NELL2: variants seen among roughly 807,000 people sequenced by gnomAD.
The protein encoded by NELL2 is neural EGFL like 2.
In NELL2, 41 loss-of-function variants were observed where a neutral mutation model predicts 109.6. The observed-to-expected ratio is 0.37, with a 90% CI of 0.29 to 0.49. NELL2 has a LOEUF of 0.49. Ranked by LOEUF, NELL2 falls within the 20% of genes least tolerant of loss-of-function variation. The pLI, the probability that NELL2 is intolerant of heterozygous loss-of-function variation, is 0.98. For synonymous variants in NELL2, 355 were observed against 344.7 expected (o/e 1.03, Z -0.33); for missense variants, 900 against 1,008.3 (o/e 0.89, Z 1.45).
At chr12:44,812,754 G>C (rs1943220008) in intron 3 of NELL2, among the ~76,000 whole-genome samples, 1 of 152,124 alleles carries the variant, frequency 6.6e-6, no homozygotes, top group African/African-American at 2.4e-5. Context: ...TTAGTAAAAA[G>C]ACTCAATAAT....
At chr12:44,753,175 G>C (rs1940731219) in intron 9 of NELL2, among the ~76,000 whole-genome samples, 1 of 152,094 alleles carries the variant, frequency 6.6e-6, no homozygotes, top group Admixed American at 6.6e-5. Flanking sequence ...AGAGACCACA[G>C]CACCCTGTCC....
rs78804748 is a variant in NELL2, at chr12:44,881,420, A to G, written c.39-5520T>C. 9.9e-5 allele frequency among the ~76,000 whole-genome samples: 15 copies of G among 152,132 alleles called. No homozygotes were observed. In the East Asian group the frequency reaches 2.1e-3, roughly 22 times the overall value. Reference sequence around the variant, plus strand: ...AGACAGAAAATGGCAGCAAATACATAAAAGATATAGAGAAGAACCAAGTGG... The same window carrying G: ...AGACAGAAAATGGCAGCAAATACATGAAAGATATAGAGAAGAACCAAGTGG... On this transcript the variant is annotated intron_variant, in intron 1 of 20. Coordinates refer to the NELL2 transcript ENST00000333837.
chr12:44,624,994 G>GTATATATATATATATA (rs759847225), intron 13 of NELL2, among the ~76,000 whole-genome samples: 4 of 118,702 alleles, frequency 3.4e-5, no homozygotes, highest in Non-Finnish European at 6.9e-5. Flanking sequence ...ATATATGTGT[G>GTATATATATATATATA]TGTATATATA....
At chr12:44,509,761 C>A (rs1940901579) in intron 19 of NELL2, among the ~76,000 whole-genome samples, 1 of 151,996 alleles carries the variant, frequency 6.6e-6, no homozygotes, top group Admixed American at 6.6e-5. Context: ...GTTACAGCAG[C>A]CTGAACTGAC....
chr12:44,920,472 C>T (rs1008876392), intron 1 of NELL2, among the ~76,000 whole-genome samples: 1 of 152,014 alleles, frequency 6.6e-6, no homozygotes, highest in Non-Finnish European at 1.5e-5. Context: ...TAATTACAAC[C>T]TTCATGTAAC....
chr12:44,829,458 T>C (rs562148163), intron 2 of NELL2, among the ~76,000 whole-genome samples: 1 of 152,298 alleles, frequency 6.6e-6, no homozygotes, highest in South Asian at 2.1e-4. Context: ...CTAATATCAT[T>C]AACCCATGTC....
intron 9 of NELL2, among the ~76,000 whole-genome samples, chr12:44,758,111 T>C (rs1401487384): frequency 6.6e-6 from 1 of 152,036 alleles, no homozygotes; most frequent in Non-Finnish European, 1.5e-5. Flanking sequence ...AACTCATCAC[T>C]GTTTTCAGCG....
At position 44,680,705 on chromosome 12, in the gene NELL2, T is replaced by C. The variant is rs184761216; in HGVS notation, c.1319-15096A>G. ...TGGGGCTCTGTTTTCTGTGGAATAATAATTGACTCAAAGAAGCCAGGTCTT... is the reference window on the plus strand; with the variant it reads ...TGGGGCTCTGTTTTCTGTGGAATAACAATTGACTCAAAGAAGCCAGGTCTT... On this transcript the variant is annotated intron_variant, in intron 12 of 19. Coordinates refer to ENST00000429094, the MANE Select transcript of NELL2 (RefSeq NM_001145108.2). Among the ~76,000 whole-genome samples, 33 of 152,252 alleles carry C rather than the reference T, an allele frequency of 2.2e-4. No individual in the cohort carries two copies. The East Asian group carries it at 5.8e-3, about 27-fold the overall frequency.
chr12:44,536,457 C>T (rs536289259), intron 15 of NELL2, among the ~76,000 whole-genome samples: 2 of 151,888 alleles, frequency 1.3e-5, no homozygotes, highest in South Asian at 4.2e-4. Flanking sequence ...TAGTTAAAAC[C>T]TAACTTCACA....
intron 9 of NELL2, among the ~76,000 whole-genome samples, chr12:44,736,577 A>T (rs1939666485): frequency 6.6e-6 from 1 of 152,156 alleles, no homozygotes; most frequent in South Asian, 2.1e-4. Context: ...TTTCTTAATG[A>T]AGCCAGGCTT....
chr12:44,760,897 C>T lies in NELL2; in HGVS notation c.994+13850G>A, dbSNP rs984629526. On this transcript the variant is annotated intron_variant, in intron 9 of 19. Coordinates refer to ENST00000429094, the MANE Select transcript of NELL2 (RefSeq NM_001145108.2). ...AGGAAAAGACTAAAAGAATCAATTA[C>T]GTGAAATTTTACATATTTTTCATTG... 4.6e-5 allele frequency among the ~76,000 whole-genome samples: 7 copies of T among 152,078 alleles called. No homozygotes were observed. The East Asian group carries it at 5.8e-4, about 13-fold the overall frequency.
chr12:44,560,835 C>T (rs1024898641), intron 15 of NELL2, among the ~76,000 whole-genome samples: 1 of 152,138 alleles, frequency 6.6e-6, no homozygotes, highest in Non-Finnish European at 1.5e-5. Flanking sequence ...TTTAATGAGG[C>T]CAGCATCATC....
intron 13 of NELL2, among the ~76,000 whole-genome samples, chr12:44,629,547 T>C (rs1006923400): frequency 4.6e-5 from 7 of 152,184 alleles, no homozygotes; most frequent in African/African-American, 1.7e-4. Context: ...CAGTCATATC[T>C]ATTAAGCCAA....
intron 9 of NELL2, among the ~76,000 whole-genome samples, chr12:44,738,646 A>ATGGGC (rs1443443385): frequency 3.3e-5 from 5 of 151,758 alleles, no homozygotes; most frequent in Non-Finnish European, 5.9e-5. Context: ...CATAGATGCC[A>ATGGGC]TGGGCCGTGG....
chr12:44,892,837 T>TAGTAAGGAGCACAATTCAACATC (rs957970766), intron 1 of NELL2, among the ~76,000 whole-genome samples: 1 of 150,220 alleles, frequency 6.7e-6, no homozygotes, highest in Non-Finnish European at 1.5e-5. Context: ...AATTCAACAT[T>TAGTAAGGAGCACAATTCAACATC]AGTAAGGAGC....
At chr12:44,545,025 G>T (rs1223211124) in intron 15 of NELL2, among the ~76,000 whole-genome samples, 1 of 151,726 alleles carries the variant, frequency 6.6e-6, no homozygotes, top group Non-Finnish European at 1.5e-5. Flanking sequence ...TCAAACCACA[G>T]AACTAAAGAA....
upstream of NELL2, among the ~76,000 whole-genome samples, chr12:44,914,765 G>C (rs1945814182): frequency 6.6e-6 from 1 of 152,148 alleles, no homozygotes; most frequent in South Asian, 2.1e-4. Context: ...CTGGAGTGTA[G>C]AGAAAGGTCT....
At chr12:44,572,191 G>C (rs745483855) in intron 15 of NELL2, among the ~76,000 whole-genome samples, 9 of 152,042 alleles carry the variant, frequency 5.9e-5, no homozygotes, top group Non-Finnish European at 1.0e-4. Flanking sequence ...GCCCAGGCTG[G>C]ATTGCAGTAG....
intron 9 of NELL2, among the ~76,000 whole-genome samples, chr12:44,765,854 G>A (rs535197192): frequency 2.0e-5 from 3 of 152,348 alleles, no homozygotes; most frequent in Admixed American, 2.0e-4. Flanking sequence ...GCAGGATGCA[G>A]TGGCTCACGC....
Sources: allele counts gnomAD v4.1 joint callset (sites outside exome capture counted in the v4.1 genomes callset), GRCh38; gene constraint gnomAD v4.1.1; transcripts MANE v1.5; gene names NCBI Gene and HGNC (gene_info 2026-07-23, HGNC 2026-07-21).